The following WDR74 variants were observed in gnomAD, a reference collection of about 807,000 sequenced individuals.
The protein encoded by WDR74 is WD repeat domain 74, also known as WD repeat-containing protein 74.
A neutral mutation model predicts 45.6 loss-of-function variants in WDR74; 31 were observed. That is an observed-to-expected ratio of 0.68 (90% CI 0.51 to 0.92). The LOEUF (loss-of-function observed/expected upper bound fraction) is 0.92. Among genes scored for constraint, WDR74 ranks in the 40% least tolerant of loss-of-function variants. The probability of loss-of-function intolerance (pLI) is 0.00; values close to 1 mark genes in which losing one functional copy is unlikely to be tolerated. For synonymous variants in WDR74, 191 were observed against 192.4 expected (o/e 0.99, Z 0.06); for missense variants, 455 against 497.2 (o/e 0.92, Z 0.81).
rs201550993 is a variant in WDR74, at chr11:62,839,122, C to G, written c.285G>C (p.Gln95His). The G allele has an allele frequency of 1.6e-4, 260 of 1,613,432 alleles. No individual in the cohort carries two copies. The highest frequency in any genetic ancestry group is 3.5e-4 in the Admixed American group (21 of 60,022). The change falls in exon 3 of 11, where the codon CAG becomes CAC. Residue 95 changes from glutamine to histidine, a missense_variant. Transcript: ENST00000278856. The stretch of plus-strand genomic sequence containing the variant: ...GAGGGGATTGGTCTTACCCGTCGGC[C>G]TGGGCGAGGCCACGGAACATGCCCT... Reference protein sequence around the residue: ...GGEGMFRGLAQADGTLITCVD... With the variant: ...GGEGMFRGLAHADGTLITCVD...
chr11:62,833,522 C>T, intron 10 of WDR74, 96 bp downstream of exon 10: 1 of 1,422,274 alleles, frequency 7.0e-7, no homozygotes, highest in Non-Finnish European at 9.6e-7. Flanking sequence ...AACAGATAGT[C>T]CCAAGTCTGC....
chr11:62,833,240 G>A (rs2084899951), intron 10 of WDR74, 109 bp from the exon 11 acceptor site: 1 of 1,028,186 alleles, frequency 9.7e-7, no homozygotes. Context: ...TTGAGCCCAG[G>A]ACTTAGCGAC....
upstream of WDR74, among the ~76,000 whole-genome samples, chr11:62,841,379 T>G (rs376470869): frequency 1.3e-5 from 2 of 152,072 alleles, no homozygotes; most frequent in Non-Finnish European, 1.5e-5. Context: ...AAGCGCTCAA[T>G]AGTTCCAACT....
At position 62,833,689 on chromosome 11, in the gene WDR74, G is replaced by A; in HGVS notation, c.922-15C>T. The A allele has an allele frequency of 1.3e-6, 2 of 1,563,522 alleles. No individual in the cohort carries two copies. The highest frequency in any genetic ancestry group is 1.7e-6 in the Non-Finnish European group (2 of 1,153,660). On this transcript the variant is annotated splice_polypyrimidine_tract_variant and intron_variant, in intron 9 of 10. Transcript: ENST00000278856. ...TTGAGATAAACCTGCAAAAGATGAG[G>A]GACCTTAAGGAGCCAGGCATGCTGA...
chr11:62,835,627 A>G, intron 5 of WDR74, 68 bp downstream of exon 5: 1 of 1,613,560 alleles, frequency 6.2e-7, no homozygotes, highest in Non-Finnish European at 8.5e-7. Flanking sequence ...TCTAGTCTCT[A>G]ATGCATCGTC....
At chr11:62,841,316 CAAAAAAAATAAATAAGAAATA>C (rs1015793523), upstream of WDR74, among the ~76,000 whole-genome samples, 4 of 151,402 alleles carry the variant, frequency 2.6e-5, no homozygotes, top group African/African-American at 9.7e-5. Flanking sequence ...GACGACGTCT[CAAAAAAAATAAATAAGAAATA>C]AAAATGGAAA....
At chr11:62,836,066 T>C in intron 3 of WDR74, 30 bp from the exon 4 acceptor site, 1 of 1,556,276 alleles carries the variant, frequency 6.4e-7, no homozygotes, top group East Asian at 2.4e-5. Context: ...TTGGGATTTT[T>C]TAAGTGCTTA....
rs1202404974 is a variant in WDR74, at chr11:62,834,344, C to T, written c.720-13G>A. ...CACAATCACTGAGCTGAGGATGAGA[C>T]CAGAGGCAAGTGGGATCAGCAGTAA... is the stretch of plus-strand genomic sequence containing the variant. On this transcript the variant is annotated splice_polypyrimidine_tract_variant and intron_variant, in intron 7 of 10. Coordinates refer to ENST00000278856, the MANE Select transcript of WDR74 (RefSeq NM_001369450.1). The T allele has an allele frequency of 1.2e-6, 2 of 1,613,700 alleles. No individual in the cohort carries two copies. Among genetic ancestry groups the T allele is most frequent in the African/African-American group, 1.3e-5 (1 of 74,900 alleles).
Position 62,834,427 on chromosome 11 carries a change from T to A in WDR74, c.719A>T (p.Asn240Ile), listed in dbSNP as rs1439892039. ...CACCCCTTCCCCTCTAAACACTCAC[T>A]TGCCTCCCGGAGTGAGGGTCATGGC... The part of the protein sequence containing the change: ...LTAMTLTPGG[N>I]SVIVGNTHGQ... Residue 240 changes from asparagine (N) to isoleucine (I), a missense_variant and splice_region_variant, in exon 7 of 11, where the codon AAC becomes ATC. Coordinates refer to ENST00000278856, the MANE Select transcript of WDR74 (RefSeq NM_001369450.1). 3.1e-6 allele frequency: 3 copies of A among 960,084 alleles called. No homozygotes were observed. The highest frequency in any genetic ancestry group is 4.4e-6 in the Non-Finnish European group (3 of 680,472). The allele number at this position is 960,084 out of a possible 1,614,324, so 59.5% of individuals were successfully genotyped here. A position where few individuals can be genotyped will look rare whatever the true frequency, so the allele number is the denominator to read the frequency against.
At chr11:62,833,455 CCT>C in intron 10 of WDR74, 161 bp downstream of exon 10, 1 of 870,120 alleles carries the variant, frequency 1.1e-6, no homozygotes, top group East Asian at 2.7e-5. Flanking sequence ...TGGCAATAAC[CCT>C]CTCAGGATTT....
chr11:62,834,331 G>A lies in WDR74; in HGVS notation c.720C>T (p.Asn240=). The change falls in exon 8 of 11, where the codon AAC becomes AAT. Residue 240 remains asparagine, a splice_region_variant and synonymous_variant. Coordinates refer to ENST00000278856, the MANE Select transcript of WDR74 (RefSeq NM_001369450.1). ...LTAMTLTPGG[N]SVIVGNTHGQ... is the part of the protein sequence containing the mutation. The stretch of plus-strand genomic sequence containing the variant: ...CATGAGTGTTTCCCACAATCACTGA[G>A]CTGAGGATGAGACCAGAGGCAAGTG... The A allele has an allele frequency of 6.2e-7, 1 of 1,613,866 alleles. No homozygotes were observed.
At chr11:62,839,596 A>G (rs7102434), upstream of WDR74, 96,910 of 1,585,330 alleles carry the variant, frequency 0.061, 3,837 homozygotes, top group East Asian at 0.15. Flanking sequence ...CAGACAGTTC[A>G]CACTTCCGGC....
intron 8 of WDR74, 153 bp downstream of exon 8, chr11:62,834,123 T>A: frequency 7.0e-7 from 1 of 1,437,030 alleles, no homozygotes; most frequent in South Asian, 1.2e-5. Flanking sequence ...ATAATTAGTT[T>A]AAGGTCATAC....
Position 62,833,837 on chromosome 11 carries a change from G to A in WDR74, c.876C>T (p.Val292=), listed in dbSNP as rs763293734. The change falls in exon 9 of 11, where the codon GTC becomes GTT. Residue 292 remains valine, a synonymous_variant. Coordinates refer to ENST00000278856, the MANE Select transcript of WDR74 (RefSeq NM_001369450.1). ...GATTCTGGATCCTGTGTATCCTCAAGACTCTGTCCAAGCCACAGGAGGCTA... is the reference window on the plus strand; with the variant it reads ...GATTCTGGATCCTGTGTATCCTCAAAACTCTGTCCAAGCCACAGGAGGCTA... The part of the protein sequence containing the change: ...PLLASCGLDR[V]LRIHRIQNPR... The A allele has an allele frequency of 6.2e-7, 1 of 1,613,924 alleles. No individual in the cohort carries two copies. Among genetic ancestry groups the A allele is most frequent in the Non-Finnish European group, 8.5e-7 (1 of 1,179,868 alleles).
chr11:62,833,567 G>T, intron 10 of WDR74, 51 bp downstream of exon 10: 1 of 1,547,856 alleles, frequency 6.5e-7, no homozygotes, highest in Middle Eastern at 1.8e-4. Flanking sequence ...CCATAGGGAG[G>T]TCCTCACATC....
intron 10 of WDR74, 185 bp downstream of exon 10, chr11:62,833,433 C>A (rs922475381): frequency 1.0e-4 from 76 of 755,054 alleles, no homozygotes; most frequent in Non-Finnish European, 1.4e-4. Context: ...AAAGCAACCC[C>A]ATCCATGCTG....
chr11:62,838,842 A>T (rs1358237871), intron 3 of WDR74, among the ~76,000 whole-genome samples: 1 of 152,160 alleles, frequency 6.6e-6, no homozygotes, highest in East Asian at 1.9e-4. Context: ...GAGGATTATA[A>T]TGGAGTCAGG....
chr11:62,837,709 C>G (rs1037080881), intron 3 of WDR74, among the ~76,000 whole-genome samples: 4 of 152,156 alleles, frequency 2.6e-5, no homozygotes, highest in African/African-American at 4.8e-5. Flanking sequence ...TCCAGTCCCC[C>G]CCACAGGCTT....
intron 10 of WDR74, among the ~76,000 whole-genome samples, 188 bp from the exon 11 acceptor site, chr11:62,833,319 A>G (rs1268563165): frequency 1.2e-4 from 18 of 150,976 alleles, no homozygotes; most frequent in South Asian, 8.4e-4. Context: ...AAAAAAAAAA[A>G]AAAAGAAAAG....
Sources: gnomAD v4.1 joint callset for allele counts (sites outside exome capture counted in the v4.1 genomes callset) on GRCh38, gnomAD v4.1.1 for gene constraint, MANE v1.5 for transcripts, NCBI Gene and HGNC (gene_info 2026-07-23, HGNC 2026-07-21) for gene names.